IGF2BP1: variants seen among roughly 807,000 people sequenced by gnomAD.
The protein encoded by IGF2BP1 is insulin like growth factor 2 mRNA binding protein 1, also known as insulin-like growth factor 2 mRNA-binding protein 1.
In IGF2BP1, 11 loss-of-function variants were observed where a neutral mutation model predicts 74.9. The observed-to-expected ratio is 0.15, with a 90% CI of 0.09 to 0.24. The LOEUF (loss-of-function observed/expected upper bound fraction) is 0.24. IGF2BP1 is among the 10% of genes least tolerant of loss of function. The pLI, the probability that IGF2BP1 is intolerant of heterozygous loss-of-function variation, is 1.00. For synonymous variants in IGF2BP1, 287 were observed against 281.8 expected (o/e 1.02, Z -0.18); for missense variants, 440 against 757.4 (o/e 0.58, Z 4.92).
At chr17:49,044,178 T>C in intron 11 of IGF2BP1, 92 bp downstream of exon 11, 9 of 1,499,300 alleles carry the variant, frequency 6.0e-6, no homozygotes, top group Non-Finnish European at 8.1e-6. Context: ...CCCTACTCAT[T>C]TGAGAATTCT....
At chr17:49,008,406 C>T (rs1262612187) in intron 2 of IGF2BP1, among the ~76,000 whole-genome samples, 1 of 152,134 alleles carries the variant, frequency 6.6e-6, no homozygotes, top group Admixed American at 6.5e-5. Flanking sequence ...TTCTTCCTCT[C>T]TATATTTATT....
intron 2 of IGF2BP1, among the ~76,000 whole-genome samples, chr17:49,016,565 C>T (rs1183578963): frequency 1.3e-5 from 2 of 152,086 alleles, no homozygotes; most frequent in African/African-American, 4.8e-5. Flanking sequence ...ACTTTTCCCC[C>T]AACAAGTAGT....
At chr17:49,011,904 A>AT (rs68074534) in intron 2 of IGF2BP1, among the ~76,000 whole-genome samples, 21,671 of 124,578 alleles carry the variant, frequency 0.17, 2,889 homozygotes, top group African/African-American at 0.36. Context: ...AAGAAAATTG[A>AT]TTTTTTTTTT....
chr17:49,055,487 A>T lies in IGF2BP1; in HGVS notation c.*6043A>T. ...CAGGAATAAAGGCTTTGTTTTGGGGATGCTTAAATCTTGACTGGCACTTCC... is the reference window on the plus strand; with the variant it reads ...CAGGAATAAAGGCTTTGTTTTGGGGTTGCTTAAATCTTGACTGGCACTTCC... On this transcript the variant is annotated 3_prime_UTR_variant, in exon 15 of 15. Transcript: ENST00000290341. 5.3e-6 allele frequency: 2 copies of T among 374,370 alleles called. 1 individual carries two copies. Among genetic ancestry groups the T allele is most frequent in the Non-Finnish European group, 9.5e-6 (2 of 211,380 alleles). The allele number at this position is 374,370 out of a possible 1,614,324, so 23.2% of individuals were successfully genotyped here.
At chr17:49,044,445 C>T (rs987614267) in intron 11 of IGF2BP1, among the ~76,000 whole-genome samples, 10 of 152,194 alleles carry the variant, frequency 6.6e-5, no homozygotes, top group African/African-American at 1.9e-4. Flanking sequence ...TATGAGGCTA[C>T]GCAGCCAAAG....
At chr17:49,015,252 C>T (rs937177653) in intron 2 of IGF2BP1, among the ~76,000 whole-genome samples, 20 of 152,172 alleles carry the variant, frequency 1.3e-4, no homozygotes, top group Non-Finnish European at 2.4e-4. Flanking sequence ...GGATTATAGG[C>T]GTGAACCACT....
At position 49,043,989 on chromosome 17, in the gene IGF2BP1, T is replaced by C; in HGVS notation, c.1223T>C (p.Val408Ala). ...SFMQAPEQEM[V>A]QVFIPAQAVG... ...CAGCAGGCTCCCGAGCAGGAGATGG[T>C]GCAGGTGTTTATCCCCGCCCAGGCA... Residue 408 changes from valine (V) to alanine (A), a missense_variant, in exon 11 of 15, where the codon GTG becomes GCG. Val to Ala is a moderately conservative substitution (Grantham distance 64). Transcript: ENST00000290341. 1 of 1,614,052 alleles carries C rather than the reference T, an allele frequency of 6.2e-7. No individual in the cohort carries two copies. The highest frequency in any genetic ancestry group is 8.5e-7 in the Non-Finnish European group (1 of 1,180,008).
chr17:49,034,756 CAAA>C (rs11388257), intron 5 of IGF2BP1, among the ~76,000 whole-genome samples: 8 of 136,208 alleles, frequency 5.9e-5, no homozygotes, highest in African/African-American at 2.3e-4. Flanking sequence ...ACAAAAAAAA[CAAA>C]AAAAACAAAA....
chr17:48,997,993 C>T lies in IGF2BP1; in HGVS notation c.175+73C>T. On this transcript the variant is annotated intron_variant, in intron 1 of 14. Transcript: ENST00000290341. This position sits in a 1 kb window ranked among gnomAD's most constrained non-coding sequence, Gnocchi z 4.8. The stretch of plus-strand genomic sequence containing the variant: ...CAACGGAGACCCGCACCTTCCGGTT[C>T]CTCTCCCGCCAACTCCTCTCTTCCC... The T allele has an allele frequency of 3.3e-6, 5 of 1,521,266 alleles. No individual in the cohort carries two copies. The highest frequency in any genetic ancestry group is 4.5e-6 in the Non-Finnish European group (5 of 1,119,442). The allele number at this position is 1,521,266 out of a possible 1,614,324, so 94.2% of individuals were successfully genotyped here.
intron 2 of IGF2BP1, among the ~76,000 whole-genome samples, chr17:49,022,816 A>C (rs1290340016): frequency 1.3e-5 from 2 of 152,176 alleles, no homozygotes; most frequent in East Asian, 1.9e-4. Flanking sequence ...GTACTAAGGG[A>C]CCATCTTGAA....
intron 7 of IGF2BP1, among the ~76,000 whole-genome samples, chr17:49,040,363 G>C (rs2042036923): frequency 6.6e-6 from 1 of 152,170 alleles, no homozygotes; most frequent in African/African-American, 2.4e-5. Flanking sequence ...CAACATGCAT[G>C]CACCACCACG....
At chr17:49,010,549 C>T (rs755610619) in intron 2 of IGF2BP1, among the ~76,000 whole-genome samples, 2 of 152,006 alleles carry the variant, frequency 1.3e-5, no homozygotes, top group African/African-American at 2.4e-5. Flanking sequence ...ATCTCCTGAC[C>T]TCGTGATCTG....
chr17:49,039,706 C>T lies in IGF2BP1; in HGVS notation c.684-251C>T, dbSNP rs570148520. Among the ~76,000 whole-genome samples the T allele has an allele frequency of 1.2e-4, 18 of 152,292 alleles. 1 individual carries two copies. Among genetic ancestry groups the T allele is most frequent in the South Asian group, 1.0e-3 (5 of 4,822 alleles). ...CCTCCAAAAGTGCTGGAATTACAGGCGTGAGCTCCCGTGCCTGGCCACCAA... is the reference window on the plus strand; with the variant it reads ...CCTCCAAAAGTGCTGGAATTACAGGTGTGAGCTCCCGTGCCTGGCCACCAA... On this transcript the variant is annotated intron_variant, in intron 6 of 14. Transcript: ENST00000290341.
chr17:49,024,541 A>C (rs2041829463), intron 2 of IGF2BP1, among the ~76,000 whole-genome samples: 1 of 152,200 alleles, frequency 6.6e-6, no homozygotes, highest in Non-Finnish European at 1.5e-5. Flanking sequence ...TCACAGATAC[A>C]TCTATTGTTA....
chr17:49,035,761 G>GC (rs2041979579), intron 5 of IGF2BP1, among the ~76,000 whole-genome samples: 2 of 152,218 alleles, frequency 1.3e-5, no homozygotes, highest in Non-Finnish European at 2.9e-5. Flanking sequence ...TGGTGATGTG[G>GC]CCTCCCTGAC....
intron 12 of IGF2BP1, 34 bp downstream of exon 12, chr17:49,045,099 G>A: frequency 6.3e-7 from 1 of 1,585,648 alleles, no homozygotes; most frequent in African/African-American, 1.3e-5. Flanking sequence ...AGCTGAACAT[G>A]GAGGAATTGA....
At chr17:49,020,120 C>T (rs2041774547) in intron 2 of IGF2BP1, among the ~76,000 whole-genome samples, 1 of 151,224 alleles carries the variant, frequency 6.6e-6, no homozygotes, top group South Asian at 2.1e-4. Context: ...ATGGTGCGAT[C>T]TCACTGCAAC....
Position 49,046,038 on chromosome 17 carries a change from A to G in IGF2BP1, c.1527+17A>G. ...GGAAAAACGGTGAGCTGTGAGGGCC[A>G]GGTTGAAAGCCCTGGGCCTTGGTCT... On this transcript the variant is annotated intron_variant, in intron 13 of 14. Transcript: ENST00000290341. 3.7e-6 allele frequency: 6 copies of G among 1,613,192 alleles called. No homozygotes were observed. The highest frequency in any genetic ancestry group is 5.1e-6 in the Non-Finnish European group (6 of 1,179,640).
At chr17:49,019,917 T>TATATATAC (rs2041758837) in intron 2 of IGF2BP1, among the ~76,000 whole-genome samples, 3 of 49,712 alleles carry the variant, frequency 6.0e-5, no homozygotes, top group African/African-American at 4.3e-4. Flanking sequence ...TATATATATA[T>TATATATAC]ATATATATAT....
Sources: allele counts gnomAD v4.1 joint callset (sites outside exome capture counted in the v4.1 genomes callset), GRCh38; gene constraint gnomAD v4.1.1; non-coding constraint Gnocchi (gnomAD v3.1); transcripts MANE v1.5; gene names NCBI Gene and HGNC (gene_info 2026-07-23, HGNC 2026-07-21).